PTPRN2: variants seen among roughly 807,000 people sequenced by gnomAD.
PTPRN2 encodes the protein protein tyrosine phosphatase receptor type N2.
In PTPRN2, 74 loss-of-function variants were observed where a neutral mutation model predicts 118.8. The observed-to-expected ratio is 0.62, with a 90% CI of 0.52 to 0.76. The LOEUF is 0.76. PTPRN2 is among the 30% of genes least tolerant of loss of function. The pLI, the probability that PTPRN2 is intolerant of heterozygous loss-of-function variation, is 0.00. For missense variants in PTPRN2, 1,481 were observed against 1,394.4 expected (o/e 1.06, Z -0.99); for synonymous variants, 641 against 608.0 (o/e 1.05, Z -0.80).
At chr7:158,107,334 C>A (rs1815766543) in intron 10 of PTPRN2, among the ~76,000 whole-genome samples, 1 of 152,144 alleles carries the variant, frequency 6.6e-6, no homozygotes, top group South Asian at 2.1e-4. Flanking sequence ...CTCAAACCCT[C>A]CCCCCTCCTA....
At chr7:158,340,554 C>A (rs1463856085) in intron 2 of PTPRN2, among the ~76,000 whole-genome samples, 2 of 127,254 alleles carry the variant, frequency 1.6e-5, no homozygotes, top group Admixed American at 8.0e-5. Flanking sequence ...GCAGAGGTCA[C>A]TCACACCCAC....
In PTPRN2 at chr7:157,904,695, G is replaced by A. The variant is rs77126142; in HGVS notation, c.1724-5958C>T. On this transcript the variant is annotated intron_variant, in intron 11 of 22. Coordinates refer to ENST00000389418, the MANE Select transcript of PTPRN2 (RefSeq NM_002847.5). ...CTGACTTCACGCGGCCCTGTGTTCC[G>A]GCCGCTTTCAGCGATGCCTGTCCTT... 1.8e-4 allele frequency among the ~76,000 whole-genome samples: 27 copies of A among 152,330 alleles called. 1 individual carries two copies. Among genetic ancestry groups the A allele is most frequent in the African/African-American group, 4.6e-4 (19 of 41,592 alleles).
rs1396465147 is a variant in PTPRN2, at chr7:157,657,265, CAT to C, written c.2002-716_2002-715del. On this transcript the variant is annotated intron_variant, in intron 13 of 22. Coordinates refer to ENST00000389418, the MANE Select transcript of PTPRN2 (RefSeq NM_002847.5). ...CACACACATCACACATATACACACACATACACCACACACACACCACACACATC... is the reference window on the plus strand; with the variant it reads ...CACACACATCACACATATACACACACACACCACACACACACCACACACATC... Among the ~76,000 whole-genome samples the C allele has an allele frequency of 1.0e-3, 89 of 88,290 alleles. 9 individuals carry two copies. The highest frequency in any genetic ancestry group is 3.9e-3 in the African/African-American group (83 of 21,474). 57.9% of individuals were successfully genotyped at this position (88,290 alleles called of 152,430 possible). A position where few individuals can be genotyped will look rare whatever the true frequency, so the allele number is the denominator to read the frequency against.
chr7:158,576,316 T>C (rs1229002019), intron 1 of PTPRN2, among the ~76,000 whole-genome samples: 1 of 152,148 alleles, frequency 6.6e-6, no homozygotes, highest in Non-Finnish European at 1.5e-5. Flanking sequence ...AACGAACATC[T>C]CTGTAAAGTT....
chr7:158,319,474 A>AGCCTCCCTCACACACACAC lies in PTPRN2; in HGVS notation c.164-2543_164-2542insGTGTGTGTGTGAGGGAGGC, dbSNP rs1256486494. Among the ~76,000 whole-genome samples, 76 of 54,438 alleles carry AGCCTCCCTCACACACACAC rather than the reference A, an allele frequency of 1.4e-3. 4 individuals are homozygous for AGCCTCCCTCACACACACAC. The highest frequency in any genetic ancestry group is 5.7e-3 in the East Asian group (10 of 1,742). 35.7% of individuals were successfully genotyped at this position (54,438 alleles called of 152,430 possible). On this transcript the variant is annotated intron_variant, in intron 2 of 22. Coordinates refer to ENST00000389418, the MANE Select transcript of PTPRN2 (RefSeq NM_002847.5). ...CACGCACACAGCCTCCCTCACACAC[A>AGCCTCCCTCACACACACAC]AGCACAGCCTCCCTCACACTCACAC...
chr7:158,480,109 G>A (rs969538535), intron 2 of PTPRN2, among the ~76,000 whole-genome samples: 1 of 152,194 alleles, frequency 6.6e-6, no homozygotes, highest in Non-Finnish European at 1.5e-5. Context: ...CTAGGAGCAC[G>A]TTCCAGCTTT....
chr7:158,457,787 C>G (rs555498067), intron 2 of PTPRN2, among the ~76,000 whole-genome samples: 78 of 148,386 alleles, frequency 5.3e-4, no homozygotes, highest in African/African-American at 1.9e-3. Context: ...CGGCCCCAGT[C>G]AGCGCACGGT....
At chr7:157,735,191 G>T (rs1445480014) in intron 12 of PTPRN2, among the ~76,000 whole-genome samples, 1 of 152,246 alleles carries the variant, frequency 6.6e-6, no homozygotes, top group Admixed American at 6.5e-5. Context: ...GTGTTCATGT[G>T]CACAGCCACA....
At chr7:158,534,303 A>G (rs34507259) in intron 1 of PTPRN2, among the ~76,000 whole-genome samples, 20 of 106,550 alleles carry the variant, frequency 1.9e-4, no homozygotes, top group African/African-American at 2.9e-4. Context: ...GCAGGTTGTG[A>G]CCACCCACGC....
At chr7:158,279,841 A>G (rs1428384484) in intron 3 of PTPRN2, among the ~76,000 whole-genome samples, 6 of 152,192 alleles carry the variant, frequency 3.9e-5, no homozygotes, top group Non-Finnish European at 7.3e-5. Flanking sequence ...ACCGAGGCAG[A>G]GAAGGCGCCC....
chr7:157,730,193 C>CG (rs1002056088), intron 12 of PTPRN2, among the ~76,000 whole-genome samples: 4 of 152,066 alleles, frequency 2.6e-5, no homozygotes, highest in African/African-American at 2.4e-5. Context: ...CCCCTGCCCC[C>CG]CCCCGGGCAC....
At chr7:158,585,653 T>G (rs1828865829) in intron 1 of PTPRN2, among the ~76,000 whole-genome samples, 2 of 152,244 alleles carry the variant, frequency 1.3e-5, no homozygotes, top group Non-Finnish European at 2.9e-5. Context: ...TCTTTGGGTT[T>G]TCCTTTGCTG....
Position 157,903,893 on chromosome 7 carries a change from A to G in PTPRN2, c.1724-5156T>C, listed in dbSNP as rs1797609738. On this transcript the variant is annotated intron_variant, in intron 11 of 22. Transcript: ENST00000389418. The surrounding 1 kb of genome is among the most constrained non-coding windows in gnomAD (Gnocchi z 4.2). ...GCACGCTTCACAAGCAGCTGTGAGGACCACGTGGGAGCCTCTGAGCCAGCA... is the reference window on the plus strand; with the variant it reads ...GCACGCTTCACAAGCAGCTGTGAGGGCCACGTGGGAGCCTCTGAGCCAGCA... 6.6e-6 allele frequency among the ~76,000 whole-genome samples: 1 copy of G among 152,122 alleles called. No individual in the cohort carries two copies. The highest frequency in any genetic ancestry group is 6.6e-5 in the Admixed American group (1 of 15,264).
chr7:158,327,498 A>G (rs569967109), intron 2 of PTPRN2, among the ~76,000 whole-genome samples: 1 of 151,632 alleles, frequency 6.6e-6, no homozygotes, highest in African/African-American at 2.4e-5. Flanking sequence ...CACATGCACA[A>G]GTTCTCACAC....
chr7:158,375,662 G>C (rs980124639), intron 2 of PTPRN2, among the ~76,000 whole-genome samples: 7 of 152,230 alleles, frequency 4.6e-5, no homozygotes, highest in African/African-American at 1.7e-4. Context: ...TTGCCTTTTG[G>C]CCTCCCATGC....
At chr7:157,913,068 A>G (rs1261328312) in intron 11 of PTPRN2, among the ~76,000 whole-genome samples, 3 of 152,168 alleles carry the variant, frequency 2.0e-5, no homozygotes, top group Non-Finnish European at 4.4e-5. Context: ...TGAACATGTA[A>G]ATCTCTCCAT....
rs760503757 is a variant in PTPRN2 at position 157,615,444 on chromosome 7, G to C, written c.2344+5918C>G. ...GCTGTTTCGAGGATGAAAAGGAGGT[G>C]TTTAGCCCCGAGCCTCACGTGGAAA... On this transcript the variant is annotated intron_variant, in intron 15 of 22. Transcript: ENST00000389418. The surrounding 1 kb of genome is among the most constrained non-coding windows in gnomAD (Gnocchi z 4.3). 3.6e-5 allele frequency: 17 copies of C among 471,062 alleles called. No homozygotes were observed. The highest frequency in any genetic ancestry group is 3.5e-5 in the Non-Finnish European group (8 of 227,056). The allele number at this position is 471,062 out of a possible 1,614,324, so 29.2% of individuals were successfully genotyped here.
In PTPRN2 at chr7:158,464,838, T is replaced by A. The variant is rs573896504; in HGVS notation, c.163+24897A>T. Among the ~76,000 whole-genome samples, 50 of 152,356 alleles carry A rather than the reference T, an allele frequency of 3.3e-4. 1 individual carries two copies. In the South Asian group the frequency reaches 0.01, roughly 31 times the overall value. Reference sequence around the variant, plus strand: ...GTAAACAATCACTTCATCATCACCATCATCATCCTTACCATCGCTATCATT... The same window carrying A: ...GTAAACAATCACTTCATCATCACCAACATCATCCTTACCATCGCTATCATT... On this transcript the variant is annotated intron_variant, in intron 2 of 22. Coordinates refer to ENST00000389418, the MANE Select transcript of PTPRN2 (RefSeq NM_002847.5).
intron 13 of PTPRN2, among the ~76,000 whole-genome samples, chr7:157,679,024 A>C (rs1796796533): frequency 2.0e-5 from 3 of 152,208 alleles, no homozygotes; most frequent in Admixed American, 2.0e-4. Context: ...TGCATAAAGT[A>C]TACTGGTACC....
Sources: allele counts gnomAD v4.1 joint callset (sites outside exome capture counted in the v4.1 genomes callset), GRCh38; gene constraint gnomAD v4.1.1; non-coding constraint Gnocchi (gnomAD v3.1); transcripts MANE v1.5; gene names NCBI Gene and HGNC (gene_info 2026-07-23, HGNC 2026-07-21).